RSF1: variants seen among roughly 807,000 people sequenced by gnomAD.
RSF1 encodes remodeling and spacing factor 1.
In RSF1, 13 loss-of-function variants were observed where a neutral mutation model predicts 145.2. That is an observed-to-expected ratio of 0.09 (90% CI 0.06 to 0.14). RSF1 has a LOEUF of 0.14. Among genes scored for constraint, RSF1 ranks in the 10% least tolerant of loss-of-function variants. The pLI, the probability that RSF1 is intolerant of heterozygous loss-of-function variation, is 1.00. For synonymous variants in RSF1, 577 were observed against 592.6 expected (o/e 0.97, Z 0.38); for missense variants, 1,517 against 1,718.2 (o/e 0.88, Z 2.07).
chr11:77,757,849 A>G (rs1018993331), intron 2 of RSF1, among the ~76,000 whole-genome samples: 12 of 152,212 alleles, frequency 7.9e-5, no homozygotes, highest in African/African-American at 2.9e-4. Context: ...GAGAAGTCAG[A>G]TTCAGGCTAA....
intron 3 of RSF1, among the ~76,000 whole-genome samples, chr11:77,744,123 A>T (rs1354763726): frequency 6.6e-6 from 1 of 151,782 alleles, no homozygotes; most frequent in Non-Finnish European, 1.5e-5. Context: ...CTGCCTCCCG[A>T]GCTCAAGCAA....
intron 1 of RSF1, among the ~76,000 whole-genome samples, chr11:77,816,404 T>C (rs1202381096): frequency 6.6e-6 from 1 of 152,228 alleles, no homozygotes; most frequent in Admixed American, 6.5e-5. Context: ...TAAGTTATAG[T>C]TACAATTCCA....
At chr11:77,732,489 C>T (rs892478677) in intron 4 of RSF1, among the ~76,000 whole-genome samples, 1 of 152,032 alleles carries the variant, frequency 6.6e-6, no homozygotes, top group Non-Finnish European at 1.5e-5. Context: ...TTAGGAGGGG[C>T]CGGGGCAGAA....
intron 1 of RSF1, among the ~76,000 whole-genome samples, chr11:77,774,773 CTTT>C (rs113525529): frequency 7.0e-6 from 1 of 141,870 alleles, no homozygotes. Context: ...TCTTTTTTTT[CTTT>C]TTTTTTTGAG....
rs552269619 is a variant in RSF1 at position 77,674,772 on chromosome 11, G to A, written c.3562+264C>T. 1.3e-3 allele frequency among the ~76,000 whole-genome samples: 193 copies of A among 152,294 alleles called. 12 individuals are homozygous for A. The South Asian group carries it at 0.039, about 31-fold the overall frequency. On this transcript the variant is annotated intron_variant, in intron 14 of 15. Transcript: ENST00000308488. Reference sequence around the variant, plus strand: ...CCCAGCACTTTGGGAGGCTGAGGTGGGCAGATCACCTGAGGTCGGGAGTTT... The same window carrying A: ...CCCAGCACTTTGGGAGGCTGAGGTGAGCAGATCACCTGAGGTCGGGAGTTT...
In RSF1 at chr11:77,700,832, T is replaced by C; in HGVS notation, c.2397A>G (p.Lys799=). Residue 799 remains lysine (K), a synonymous_variant, in exon 6 of 16, where the codon AAA becomes AAG. Coordinates refer to ENST00000308488, the MANE Select transcript of RSF1 (RefSeq NM_016578.4). ...CCACCTCATCTTCTCCTTCCCCTCT[T>C]TTTTTATCAGCTTTCTGATCTCTGA... ...AEIRDQKADK[K]RGEGEDEVEE... is the part of the protein sequence containing the mutation. 6.2e-7 allele frequency: 1 copy of C among 1,613,482 alleles called. No homozygotes were observed. The highest frequency in any genetic ancestry group is 8.5e-7 in the Non-Finnish European group (1 of 1,179,994).
intron 4 of RSF1, chr11:77,735,061 T>C (rs1961311072): frequency 1.6e-6 from 2 of 1,217,500 alleles, no homozygotes; most frequent in African/African-American, 1.5e-5. Flanking sequence ...GCGGTGGCAG[T>C]GGCTGCGTGG....
chr11:77,818,862 T>C (rs1565190454), intron 1 of RSF1, among the ~76,000 whole-genome samples: 1 of 152,248 alleles, frequency 6.6e-6, no homozygotes, highest in Non-Finnish European at 1.5e-5. Context: ...GCTTAATTTT[T>C]AAACAAATTC....
At chr11:77,734,494 T>C (rs981943012) in intron 4 of RSF1, 2 of 1,588,866 alleles carry the variant, frequency 1.3e-6, no homozygotes, top group Middle Eastern at 4.5e-4. Flanking sequence ...ATTATCACTG[T>C]CTCCCAGGGT....
intron 2 of RSF1, among the ~76,000 whole-genome samples, chr11:77,755,672 C>G (rs1948108505): frequency 6.6e-6 from 1 of 152,018 alleles, no homozygotes; most frequent in African/African-American, 2.4e-5. Context: ...CTCTGCCCCC[C>G]AGGTTCAAGC....
intron 1 of RSF1, among the ~76,000 whole-genome samples, chr11:77,773,073 C>T (rs1433036164): frequency 6.6e-6 from 1 of 152,078 alleles, no homozygotes; most frequent in African/African-American, 2.4e-5. Context: ...TAAAACATAA[C>T]CCTGTCAAAT....
rs1284552860 is a variant in RSF1 at position 77,820,551 on chromosome 11, G to A, written c.164C>T (p.Pro55Leu). 2 of 1,549,684 alleles carry A rather than the reference G, an allele frequency of 1.3e-6. No homozygotes were observed. The highest frequency in any genetic ancestry group is 1.7e-6 in the Non-Finnish European group (2 of 1,147,572). ...PELERVLQAP[P>L]PDVGNGEVPK... The stretch of plus-strand genomic sequence containing the variant: ...ACCTTCTCCGTTGCCGACGTCCGGC[G>A]GCGGCGCCTGCAGCACCCGCTCCAG... The change falls in exon 1 of 16, where the codon CCG becomes CTG. Residue 55 changes from proline (P) to leucine (L), a missense_variant. Pro to Leu is a moderately conservative substitution (Grantham distance 98). Around this residue, in one of 12 missense-constraint regions of RSF1, gnomAD observed 85 missense variants for 91.8 expected, o/e 0.93. Coordinates refer to ENST00000308488, the MANE Select transcript of RSF1 (RefSeq NM_016578.4).
intron 15 of RSF1, among the ~76,000 whole-genome samples, chr11:77,671,637 T>A (rs1049136496): frequency 2.1e-5 from 3 of 146,052 alleles, no homozygotes; most frequent in African/African-American, 7.5e-5. Context: ...TATATGGATT[T>A]TTTTTTTTTT....
chr11:77,693,265 C>G (rs185195549), intron 8 of RSF1, among the ~76,000 whole-genome samples: 1 of 151,736 alleles, frequency 6.6e-6, no homozygotes, highest in Admixed American at 6.6e-5. Flanking sequence ...GTGCTTTTAA[C>G]AAATACAAGA....
At chr11:77,872,002 C>T in the RSF1 span, 1 of 487,850 alleles carries the variant, frequency 2.0e-6, no homozygotes, top group Non-Finnish European at 3.5e-6. Context: ...GACAAAGAGG[C>T]CTTTTTGACT....
chr11:77,778,550 T>C (rs1948372017), intron 1 of RSF1, among the ~76,000 whole-genome samples: 1 of 152,182 alleles, frequency 6.6e-6, no homozygotes, highest in African/African-American at 2.4e-5. Flanking sequence ...TCTCTCTTTC[T>C]GAAAAAAGTT....
chr11:77,825,911 C>G, the RSF1 span, among the ~76,000 whole-genome samples: 1 of 151,952 alleles, frequency 6.6e-6, no homozygotes, highest in East Asian at 1.9e-4. Context: ...AGGCTGGTCT[C>G]AAACTCCTGA....
the RSF1 span, among the ~76,000 whole-genome samples, chr11:77,863,032 C>T: frequency 1.2e-4 from 18 of 152,152 alleles, no homozygotes; most frequent in South Asian, 6.2e-4. Context: ...GGTGGTGGGC[C>T]GCTTCTAAGA....
the RSF1 span, among the ~76,000 whole-genome samples, chr11:77,858,302 CTT>C: frequency 2.2e-3 from 154 of 69,346 alleles, no homozygotes; most frequent in African/African-American, 9.0e-3. Context: ...TTAAGCAATT[CTT>C]TTTTTTTTTT....
Sources: gnomAD v4.1 joint callset for allele counts (sites outside exome capture counted in the v4.1 genomes callset) on GRCh38, gnomAD v4.1.1 for gene constraint, gnomAD v4.1.1 regional missense constraint, MANE v1.5 for transcripts, NCBI Gene and HGNC (gene_info 2026-07-23, HGNC 2026-07-21) for gene names.